Variants in FASTKD2 observed in about 807,000 individuals in gnomAD.
FASTKD2 encodes FAST kinase domain-containing protein 2, mitochondrial.
In FASTKD2, 51 loss-of-function variants were observed where a neutral mutation model predicts 63.6. The observed-to-expected ratio is 0.80, with a 90% CI of 0.64 to 1.01. The LOEUF is 1.01. FASTKD2 is among the 50% of genes least tolerant of loss of function. The probability of loss-of-function intolerance (pLI) is 0.00; values close to 1 mark genes in which losing one functional copy is unlikely to be tolerated. For synonymous variants in FASTKD2, 284 were observed against 293.4 expected (o/e 0.97, Z 0.33); for missense variants, 786 against 831.1 (o/e 0.95, Z 0.67).
rs769564913 is a variant in FASTKD2, at chr2:206,770,277, ACTC to A, written c.881+86_881+88del. 1.3e-4 allele frequency: 122 copies of A among 918,202 alleles called. No individual in the cohort carries two copies. The Middle Eastern group carries it at 3.8e-3, about 28-fold the overall frequency. The allele number at this position is 918,202 out of a possible 1,614,324, so 56.9% of individuals were successfully genotyped here. A position where few individuals can be genotyped will look rare whatever the true frequency, so the allele number is the denominator to read the frequency against. Reference sequence around the variant, plus strand: ...ATAAAAAAATTGAGATGAAAACTAAACTCCTTTCTTGAGGGGAGGAGGGGTTGG... The same window carrying A: ...ATAAAAAAATTGAGATGAAAACTAAACTTTCTTGAGGGGAGGAGGGGTTGG... On this transcript the variant is annotated intron_variant, in intron 3 of 11. Transcript: ENST00000402774.
chr2:206,785,129 A>C (rs1225135627), intron 7 of FASTKD2, among the ~76,000 whole-genome samples: 1 of 151,930 alleles, frequency 6.6e-6, no homozygotes, highest in Non-Finnish European at 1.5e-5. Context: ...TTCCCCTTAT[A>C]AAACTATCAG....
chr2:206,785,956 C>T (rs1317972018), intron 7 of FASTKD2, among the ~76,000 whole-genome samples: 1 of 152,204 alleles, frequency 6.6e-6, no homozygotes, highest in South Asian at 2.1e-4. Context: ...CAGGGCTGTG[C>T]TCAAATCTTC....
chr2:206,788,633 G>C (rs1031488109), intron 9 of FASTKD2, among the ~76,000 whole-genome samples, 186 bp from the exon 10 acceptor site: 3 of 151,448 alleles, frequency 2.0e-5, no homozygotes, highest in African/African-American at 4.9e-5. Flanking sequence ...TACTCAACAG[G>C]GTGGGGTAAA....
chr2:206,768,591 T>C (rs1218808110), intron 2 of FASTKD2, among the ~76,000 whole-genome samples: 1 of 152,086 alleles, frequency 6.6e-6, no homozygotes, highest in Non-Finnish European at 1.5e-5. Flanking sequence ...TCCCAGCTAC[T>C]TGGGAGGCTG....
chr2:206,791,774 C>T lies in FASTKD2; in HGVS notation c.2105C>T (p.Ala702Val). ...KIYSVEALPV[A>V]AVNVQSTQ ...TATTCAGTAGAAGCTCTTCCTGTTG[C>T]TGCTGTAAATGTGCAAAGCACACAA... is the stretch of plus-strand genomic sequence containing the variant. Residue 702 changes from alanine (A) to valine (V), a missense_variant, in exon 12 of 12, where the codon GCT (alanine) becomes GTT (valine). By Grantham distance (64) the Ala-to-Val change is moderately conservative. Coordinates refer to ENST00000402774, the MANE Select transcript of FASTKD2 (RefSeq NM_001136193.2). 6.2e-7 allele frequency: 1 copy of T among 1,612,952 alleles called. No homozygotes were observed. Among genetic ancestry groups the T allele is most frequent in the Non-Finnish European group, 8.5e-7 (1 of 1,179,382 alleles).
At position 206,766,860 on chromosome 2, in the gene FASTKD2, C is replaced by G; in HGVS notation, c.167C>G (p.Ser56Ter). ...CTTTGCAAACCAAAAATAGTTCATT[C>G]AAACTGGAACATTTTAAATAACTTT... ...LGLCKPKIVH[S>*]NWNILNNFHN... The change falls in exon 2 of 12, where the codon TCA becomes TGA. Residue 56 changes from serine to a stop codon, truncating the protein, a stop_gained. Transcript: ENST00000402774. LOFTEE classifies it high-confidence loss of function. 6.2e-7 allele frequency: 1 copy of G among 1,604,580 alleles called. No individual in the cohort carries two copies. The highest frequency in any genetic ancestry group is 2.2e-5 in the East Asian group (1 of 44,740).
Position 206,794,417 on chromosome 2 carries a change from G to T in FASTKD2, c.*2615G>T, listed in dbSNP as rs1690385399. Among the ~76,000 whole-genome samples, 1 of 151,812 alleles carries T rather than the reference G, an allele frequency of 6.6e-6. No individual in the cohort carries two copies. On this transcript the variant is annotated 3_prime_UTR_variant, in exon 12 of 12. Transcript: ENST00000402774. ...TATTATTTTTTAATTTTAATTTTTA[G>T]ATTTTTAAAGATGGGGCCCTGCTAT...
chr2:206,790,501 A>C (rs759099009), intron 10 of FASTKD2, 71 bp from the exon 11 acceptor site: 408 of 934,084 alleles, frequency 4.4e-4, no homozygotes, highest in Non-Finnish European at 6.7e-4. Context: ...AAATCTCCAG[A>C]GAACAAGAAT....
Position 206,774,258 on chromosome 2 carries a change from G to A in FASTKD2, c.1288G>A (p.Gly430Ser), listed in dbSNP as rs1297933004. The stretch of plus-strand genomic sequence containing the variant: ...TATCCTCATTTTATTTGAAAACCTT[G>A]GCTTTCGACCTGTTGGTTTAATGGA... ...LFILILFENL[G>S]FRPVGLMDLF... The change falls in exon 7 of 12, where the codon GGC (glycine) becomes AGC (serine). Residue 430 changes from glycine (G) to serine (S), a missense_variant. Coordinates refer to ENST00000402774, the MANE Select transcript of FASTKD2 (RefSeq NM_001136193.2). 1.9e-6 allele frequency: 3 copies of A among 1,611,540 alleles called. No homozygotes were observed. In the South Asian group the frequency reaches 3.3e-5, roughly 18 times the overall value.
rs767395981 is a variant in FASTKD2, at chr2:206,767,006, A to G, written c.313A>G (p.Arg105Gly). The G allele has an allele frequency of 6.8e-6, 11 of 1,613,376 alleles. No homozygotes were observed. The Middle Eastern group carries it at 4.9e-4, about 72-fold the overall frequency. Residue 105 changes from arginine (R) to glycine (G), a missense_variant, in exon 2 of 12, where the codon AGA (arginine) becomes GGA (glycine). Coordinates refer to ENST00000402774, the MANE Select transcript of FASTKD2 (RefSeq NM_001136193.2). The stretch of plus-strand genomic sequence containing the variant: ...CACTCTAACAGCCCTTAGAATTGAA[A>G]GACTACTTTATGCTAAAAGACTGTT... ...ISTLTALRIE[R>G]LLYAKRLFFD... is the part of the protein sequence containing the mutation.
chr2:206,780,678 C>T (rs1274688428), intron 7 of FASTKD2, among the ~76,000 whole-genome samples: 1 of 152,104 alleles, frequency 6.6e-6, no homozygotes, highest in Non-Finnish European at 1.5e-5. Flanking sequence ...AAGTTTTCAG[C>T]CACTATTTCC....
intron 2 of FASTKD2, among the ~76,000 whole-genome samples, chr2:206,769,633 C>G (rs951489332): frequency 6.6e-6 from 1 of 152,042 alleles, no homozygotes. Flanking sequence ...AGCTTGATAC[C>G]CAGGAAAGGA....
intron 11 of FASTKD2, 145 bp from the exon 12 acceptor site, chr2:206,791,538 C>G: frequency 1.4e-6 from 1 of 711,202 alleles, no homozygotes; most frequent in South Asian, 1.6e-5. Context: ...TCTTATTATG[C>G]CTTTAAAATA....
chr2:206,787,008 T>C (rs1052353904), intron 8 of FASTKD2, 109 bp downstream of exon 8: 1 of 738,592 alleles, frequency 1.4e-6, no homozygotes, highest in African/African-American at 1.8e-5. Context: ...TAGTTGAAAT[T>C]TGCAGAGCAG....
At chr2:206,770,996 G>A (rs959796680) in intron 3 of FASTKD2, among the ~76,000 whole-genome samples, 186 bp from the exon 4 acceptor site, 1 of 152,118 alleles carries the variant, frequency 6.6e-6, no homozygotes, top group Non-Finnish European at 1.5e-5. Context: ...TAATGTGAGA[G>A]AAAATAGCAC....
rs1259024642 is a variant in FASTKD2, at chr2:206,793,248, A to AAAAAC, written c.*1449_*1450insACAAA. Among the ~76,000 whole-genome samples the AAAAAC allele has an allele frequency of 3.2e-3, 399 of 126,606 alleles. 1 individual carries two copies. Among genetic ancestry groups the AAAAAC allele is most frequent in the South Asian group, 9.3e-3 (34 of 3,662 alleles). The allele number at this position is 126,606 out of a possible 152,430, so 83.1% of individuals were successfully genotyped here. On this transcript the variant is annotated 3_prime_UTR_variant, in exon 12 of 12. Transcript: ENST00000402774. ...AAAAAAAAAAAAAAAAAAAAAAAAA[A>AAAAAC]AAATACAAAAACTATAGCAATATGA... is the stretch of plus-strand genomic sequence containing the variant.
rs561630453 is a variant in FASTKD2, at chr2:206,773,240, G to T, written c.1254+920G>T. ...TGAGGCAGGAGGACCACTTGAACCT[G>T]GGAGGTGGAGGTTGCAGTAAGCTGA... is the stretch of plus-strand genomic sequence containing the variant. On this transcript the variant is annotated intron_variant, in intron 6 of 11. Coordinates refer to ENST00000402774, the MANE Select transcript of FASTKD2 (RefSeq NM_001136193.2). 5.3e-5 allele frequency among the ~76,000 whole-genome samples: 8 copies of T among 151,374 alleles called. No homozygotes were observed. The East Asian group carries it at 1.4e-3, about 26-fold the overall frequency.
rs1690437440 is a variant in FASTKD2, at chr2:206,795,891, C to T, written c.*4089C>T. Among the ~76,000 whole-genome samples, 1 of 152,188 alleles carries T rather than the reference C, an allele frequency of 6.6e-6. No homozygotes were observed. The highest frequency in any genetic ancestry group is 1.5e-5 in the Non-Finnish European group (1 of 68,036). Reference sequence around the variant, plus strand: ...CCAGCAATGGGCAGCATCTTCATGACTTTCCAGCTTCCAGGCTGTAAGCAG... The same window carrying T: ...CCAGCAATGGGCAGCATCTTCATGATTTTCCAGCTTCCAGGCTGTAAGCAG... On this transcript the variant is annotated 3_prime_UTR_variant, in exon 12 of 12. Transcript: ENST00000402774.
Position 206,788,731 on chromosome 2 carries a change from C to CAA in FASTKD2, c.1814-72_1814-71dup, listed in dbSNP as rs5838043. On this transcript the variant is annotated intron_variant, in intron 9 of 11. Coordinates refer to ENST00000402774, the MANE Select transcript of FASTKD2 (RefSeq NM_001136193.2). ...TGGATGACAGAGCGAGACCACATCTCAAAAAAAAAAAAAAAAAGGAAAAGA... is the reference window on the plus strand; with the variant it reads ...TGGATGACAGAGCGAGACCACATCTCAAAAAAAAAAAAAAAAAAAGGAAAAGA... 0.021 allele frequency: 11,947 copies of CAA among 561,284 alleles called. 14 individuals are homozygous for CAA. The highest frequency in any genetic ancestry group is 0.053 in the East Asian group (1,572 of 29,888). The allele number at this position is 561,284 out of a possible 1,614,324, so 34.8% of individuals were successfully genotyped here.
Sources: gnomAD v4.1 joint callset for allele counts (sites outside exome capture counted in the v4.1 genomes callset) on GRCh38, gnomAD v4.1.1 for gene constraint, MANE v1.5 for transcripts, NCBI Gene and HGNC (gene_info 2026-07-23, HGNC 2026-07-21) for gene names.